The following SMARCC1 variants were observed in gnomAD, a reference collection of about 807,000 sequenced individuals.
SMARCC1 encodes the protein SWI/SNF related BAF chromatin remodeling complex subunit C1.
Under a neutral mutation model 147.4 loss-of-function variants are expected in SMARCC1, and 43 were observed. That is an observed-to-expected ratio of 0.29 (90% confidence interval 0.23 to 0.38). SMARCC1 has a LOEUF of 0.38. Among genes scored for constraint, SMARCC1 ranks in the 10% least tolerant of loss-of-function variants. The pLI, the probability that SMARCC1 is intolerant of heterozygous loss-of-function variation, is 1.00. For synonymous variants in SMARCC1, 495 were observed against 484.4 expected, an observed-to-expected ratio of 1.02 and a Z score of -0.29; for missense variants, 1,119 against 1,381.1, an observed-to-expected ratio of 0.81 and a Z score of 3.01.
chr3:47,697,097 G>A (rs1044605738), intron 11 of SMARCC1, among the ~76,000 whole-genome samples: 1 of 152,184 alleles, frequency 6.6e-6, no homozygotes, highest in Non-Finnish European at 1.5e-5. Flanking sequence ...GAGGAGGGTA[G>A]ATTGCTTGAG....
chr3:47,780,185 T>TC (rs2035028728), intron 1 of SMARCC1, among the ~76,000 whole-genome samples: 1 of 145,576 alleles, frequency 6.9e-6, no homozygotes, highest in Non-Finnish European at 1.5e-5. Flanking sequence ...TTTTTTTTTT[T>TC]TTTTTGGAGA....
chr3:47,605,649 T>C (rs552097654), intron 26 of SMARCC1, among the ~76,000 whole-genome samples: 1 of 152,176 alleles, frequency 6.6e-6, no homozygotes, highest in South Asian at 2.1e-4. Context: ...GGTGTGCACT[T>C]GTGGTCCCAG....
chr3:47,614,829 T>C (rs564617542), intron 25 of SMARCC1, among the ~76,000 whole-genome samples: 64 of 152,342 alleles, frequency 4.2e-4, no homozygotes, highest in African/African-American at 1.5e-3. Flanking sequence ...CCCGCAATTA[T>C]TTCACATTTC....
intron 6 of SMARCC1, 46 bp from the exon 7 acceptor site, chr3:47,720,781 A>G: frequency 7.5e-7 from 1 of 1,335,438 alleles, no homozygotes; most frequent in Non-Finnish European, 1.1e-6. Context: ...ACAAAATAAT[A>G]AAGAAACTAT....
intron 26 of SMARCC1, among the ~76,000 whole-genome samples, chr3:47,593,651 T>G (rs532929712): frequency 6.6e-6 from 1 of 152,120 alleles, no homozygotes; most frequent in Non-Finnish European, 1.5e-5. Context: ...CTTGAAAAAT[T>G]TGGAGATTGG....
At chr3:47,627,717 T>C (rs1157222483) in intron 24 of SMARCC1, among the ~76,000 whole-genome samples, 1 of 152,166 alleles carries the variant, frequency 6.6e-6, no homozygotes, top group Non-Finnish European at 1.5e-5. Context: ...TGAGGGCCTC[T>C]AAGCATCTTT....
chr3:47,620,288 C>T (rs1276402453), intron 25 of SMARCC1, among the ~76,000 whole-genome samples: 2 of 151,888 alleles, frequency 1.3e-5, no homozygotes, highest in East Asian at 3.9e-4. Context: ...CACAGTGAAA[C>T]CCTGTCTCTA....
intron 10 of SMARCC1, among the ~76,000 whole-genome samples, chr3:47,703,789 G>A (rs936997445): frequency 2.6e-5 from 4 of 151,908 alleles, no homozygotes; most frequent in Non-Finnish European, 5.9e-5. Context: ...AATAAAAATC[G>A]CATGATGAGT....
chr3:47,640,065 TATAAAA>T (rs1247380680), intron 21 of SMARCC1, among the ~76,000 whole-genome samples: 4 of 152,102 alleles, frequency 2.6e-5, no homozygotes, highest in African/African-American at 9.7e-5. Context: ...ATGTTTAAAA[TATAAAA>T]ATAAACTTCT....
intron 25 of SMARCC1, among the ~76,000 whole-genome samples, chr3:47,616,251 G>C (rs1167031988): frequency 6.6e-6 from 1 of 152,160 alleles, no homozygotes. Context: ...AAGCTACTCA[G>C]TCTACAGACA....
intron 24 of SMARCC1, among the ~76,000 whole-genome samples, chr3:47,629,015 C>T (rs1012303837): frequency 6.6e-6 from 1 of 152,182 alleles, no homozygotes; most frequent in African/African-American, 2.4e-5. Context: ...GAAGAAAAAA[C>T]TGAAAGCCCA....
At chr3:47,693,147 C>G in intron 12 of SMARCC1, 94 bp downstream of exon 12, 1 of 808,092 alleles carries the variant, frequency 1.2e-6, no homozygotes, top group Non-Finnish European at 2.1e-6. Context: ...CCAGCCTGAC[C>G]AACAGAACAA....
chr3:47,588,391 G>A (rs1455265373), intron 27 of SMARCC1, 85 bp from the exon 28 acceptor site: 4 of 1,312,368 alleles, frequency 3.0e-6, no homozygotes. Flanking sequence ...AAAAGACACA[G>A]AAGTCCTTTC....
At chr3:47,667,733 T>C (rs1339281984) in intron 19 of SMARCC1, among the ~76,000 whole-genome samples, 1 of 151,854 alleles carries the variant, frequency 6.6e-6, no homozygotes, top group Non-Finnish European at 1.5e-5. Flanking sequence ...AAAAATTAGC[T>C]GGGCATGGTG....
chr3:47,636,595 A>G (rs1474803911), intron 22 of SMARCC1, among the ~76,000 whole-genome samples: 2 of 152,272 alleles, frequency 1.3e-5, no homozygotes, highest in Non-Finnish European at 2.9e-5. Context: ...TAAAAATACA[A>G]AAAAGAAATT....
At chr3:47,602,674 T>G (rs2032407204) in intron 26 of SMARCC1, among the ~76,000 whole-genome samples, 1 of 152,230 alleles carries the variant, frequency 6.6e-6, no homozygotes, top group Non-Finnish European at 1.5e-5. Context: ...TATTCTGATT[T>G]TCAAGGCACT....
chr3:47,682,883 C>T (rs2033672446), intron 14 of SMARCC1, among the ~76,000 whole-genome samples: 1 of 152,040 alleles, frequency 6.6e-6, no homozygotes, highest in Non-Finnish European at 1.5e-5. Flanking sequence ...ATGTTAAACA[C>T]ATAATTGCAA....
chr3:47,647,685 C>T (rs1403514425), intron 21 of SMARCC1, among the ~76,000 whole-genome samples: 2 of 152,170 alleles, frequency 1.3e-5, no homozygotes, highest in African/African-American at 4.8e-5. Context: ...CAGAATGAAG[C>T]ACATGGCAGG....
At chr3:47,777,414 C>T (rs769731227) in intron 1 of SMARCC1, among the ~76,000 whole-genome samples, 1 of 149,606 alleles carries the variant, frequency 6.7e-6, no homozygotes, top group Non-Finnish European at 1.5e-5. Flanking sequence ...GAATATAGGC[C>T]GGGTGCAGTG....
Sources: gnomAD v4.1 joint callset for allele counts (sites outside exome capture counted in the v4.1 genomes callset) on GRCh38, gnomAD v4.1.1 for gene constraint, MANE v1.5 for transcripts, NCBI Gene and HGNC (gene_info 2026-07-23, HGNC 2026-07-21) for gene names.